FAM135B: variants seen among roughly 807,000 people sequenced by gnomAD.
FAM135B encodes the protein protein FAM135B.
FAM135B carries 43 observed loss-of-function variants against 127.7 expected under a neutral mutation model. The observed-to-expected ratio is 0.34, with a 90% CI of 0.26 to 0.43. FAM135B has a LOEUF of 0.43. FAM135B is among the 20% of genes least tolerant of loss of function. The pLI is 1.00. For synonymous variants in FAM135B, 670 were observed against 665.1 expected, an observed-to-expected ratio of 1.01 and a Z score of -0.11; for missense variants, 1,558 against 1,725.6, an observed-to-expected ratio of 0.90 and a Z score of 1.72.
intron 11 of FAM135B, among the ~76,000 whole-genome samples, chr8:138,169,803 C>T (rs1395606853): frequency 6.6e-6 from 1 of 152,108 alleles, no homozygotes. Flanking sequence ...AAAAAACAAG[C>T]GATTAAGCAA....
At chr8:138,412,475 C>A (rs1044143327) in intron 1 of FAM135B, among the ~76,000 whole-genome samples, 2 of 152,176 alleles carry the variant, frequency 1.3e-5, no homozygotes, top group African/African-American at 2.4e-5. Context: ...TTCCAACACA[C>A]TTCTTCAGGT....
chr8:138,387,284 A>C (rs1832275585), intron 1 of FAM135B, among the ~76,000 whole-genome samples: 1 of 152,158 alleles, frequency 6.6e-6, no homozygotes, highest in African/African-American at 2.4e-5. Context: ...CACCTGAACT[A>C]GGTCCAGGTC....
At chr8:138,237,172 T>TTTTTGTTG (rs757949667) in intron 7 of FAM135B, among the ~76,000 whole-genome samples, 2 of 141,846 alleles carry the variant, frequency 1.4e-5, no homozygotes, top group African/African-American at 5.3e-5. Flanking sequence ...TTTTTTTTTT[T>TTTTTGTTG]TTGTTGGAGA....
At chr8:138,285,918 T>C (rs1293452715) in intron 3 of FAM135B, among the ~76,000 whole-genome samples, 1 of 152,226 alleles carries the variant, frequency 6.6e-6, no homozygotes, top group Admixed American at 6.5e-5. Flanking sequence ...AATCCGCCTA[T>C]CTGTCCATTG....
intron 2 of FAM135B, among the ~76,000 whole-genome samples, chr8:138,362,883 T>C (rs954322101): frequency 6.6e-6 from 1 of 152,162 alleles, no homozygotes; most frequent in Non-Finnish European, 1.5e-5. Flanking sequence ...CTGAAAGCAA[T>C]ACCATATGCC....
intron 3 of FAM135B, among the ~76,000 whole-genome samples, chr8:138,310,334 C>T (rs913547077): frequency 1.3e-5 from 2 of 152,166 alleles, no homozygotes; most frequent in African/African-American, 4.8e-5. Context: ...TGCTCAGAGC[C>T]CTGGTTACCC....
At chr8:138,368,462 AAG>A (rs1269520598) in intron 1 of FAM135B, among the ~76,000 whole-genome samples, 2 of 152,214 alleles carry the variant, frequency 1.3e-5, no homozygotes, top group African/African-American at 2.4e-5. Context: ...AAATGGTGGA[AAG>A]AGAGAATAAA....
rs1339352474 is a variant in FAM135B at position 138,497,147 on chromosome 8, G to C, written c.-496C>G. 6.6e-6 allele frequency among the ~76,000 whole-genome samples: 1 copy of C among 151,468 alleles called. No homozygotes were observed. Among genetic ancestry groups the C allele is most frequent in the Non-Finnish European group, 1.5e-5 (1 of 67,798 alleles). ...CCTCTCCTTCCTCCGCCGGGACGCGGCCAGACCCTCCGCGCCGCGCCGCGC... is the reference window on the plus strand; with the variant it reads ...CCTCTCCTTCCTCCGCCGGGACGCGCCCAGACCCTCCGCGCCGCGCCGCGC... On this transcript the variant is annotated 5_prime_UTR_variant, in exon 1 of 20. Coordinates refer to ENST00000395297, the MANE Select transcript of FAM135B (RefSeq NM_015912.4).
intron 1 of FAM135B, among the ~76,000 whole-genome samples, chr8:138,388,814 G>A (rs893543416): frequency 6.6e-6 from 1 of 152,138 alleles, no homozygotes; most frequent in Admixed American, 6.5e-5. Flanking sequence ...CATTACAATG[G>A]TTAATATATG....
At chr8:138,277,294 T>C (rs1049021410) in intron 3 of FAM135B, among the ~76,000 whole-genome samples, 1 of 152,184 alleles carries the variant, frequency 6.6e-6, no homozygotes, top group African/African-American at 2.4e-5. Flanking sequence ...ACAGTCTGTC[T>C]GTGCATGGAC....
In FAM135B at chr8:138,384,598, C is replaced by T. The variant is rs113158253; in HGVS notation, c.-19-16596G>A. ...ATAGCAGAGACATTGGGTTTTCTGC[C>T]AAGTAACTACAGAGAGAGAGAGACA... On this transcript the variant is annotated intron_variant, in intron 1 of 19. Coordinates refer to ENST00000395297, the MANE Select transcript of FAM135B (RefSeq NM_015912.4). 7.5e-3 allele frequency among the ~76,000 whole-genome samples: 1,139 copies of T among 151,918 alleles called. 14 individuals carry two copies. Among genetic ancestry groups the T allele is most frequent in the African/African-American group, 0.026 (1,090 of 41,432 alleles).
chr8:138,234,502 A>G (rs1820126005), intron 7 of FAM135B, among the ~76,000 whole-genome samples: 1 of 152,228 alleles, frequency 6.6e-6, no homozygotes, highest in South Asian at 2.1e-4. Context: ...GAAGAAAAAC[A>G]TATCTGTATA....
chr8:138,227,357 C>T (rs1423691160), intron 7 of FAM135B, among the ~76,000 whole-genome samples: 5 of 152,296 alleles, frequency 3.3e-5, no homozygotes, highest in African/African-American at 4.8e-5. Context: ...GGGCAGCCCA[C>T]GCAGTTGACA....
At chr8:138,140,388 T>C (rs2130581524) in intron 17 of FAM135B, among the ~76,000 whole-genome samples, 1 of 152,312 alleles carries the variant, frequency 6.6e-6, no homozygotes, top group South Asian at 2.1e-4. Flanking sequence ...ACTGAGGTAG[T>C]TGTTAAGAAC....
At chr8:138,169,459 T>C (rs1586669934) in intron 11 of FAM135B, among the ~76,000 whole-genome samples, 1 of 152,176 alleles carries the variant, frequency 6.6e-6, no homozygotes, top group African/African-American at 2.4e-5. Flanking sequence ...AATATTTAAC[T>C]CTTTAAATGT....
intron 7 of FAM135B, among the ~76,000 whole-genome samples, chr8:138,206,380 T>G (rs1586770512): frequency 1.6e-3 from 212 of 128,960 alleles, no homozygotes; most frequent in South Asian, 2.8e-3. Flanking sequence ...CACAACTCTA[T>G]CATCCCCTCC....
chr8:138,447,908 C>T (rs940894112), intron 1 of FAM135B, among the ~76,000 whole-genome samples: 1 of 151,558 alleles, frequency 6.6e-6, no homozygotes, highest in Admixed American at 6.6e-5. Context: ...TCAGTGATCA[C>T]AGAACATCCT....
chr8:138,239,444 T>C (rs1209360412), intron 7 of FAM135B, among the ~76,000 whole-genome samples: 1 of 152,244 alleles, frequency 6.6e-6, no homozygotes, highest in Non-Finnish European at 1.5e-5. Context: ...TCTTTGTAGA[T>C]TCTGGATTTT....
intron 1 of FAM135B, chr8:138,440,746 A>T (rs1835712554): frequency 6.6e-6 from 1 of 151,798 alleles, no homozygotes; most frequent in Non-Finnish European, 1.5e-5. Context: ...AAAATCTATC[A>T]CATTTCTGAG....
Sources: allele counts gnomAD v4.1 joint callset (sites outside exome capture counted in the v4.1 genomes callset), GRCh38; gene constraint gnomAD v4.1.1; transcripts MANE v1.5; gene names NCBI Gene and HGNC (gene_info 2026-07-23, HGNC 2026-07-21).